MAGI2: variants seen among roughly 807,000 people sequenced by gnomAD.
MAGI2 encodes the protein membrane associated guanylate kinase, WW and PDZ domain containing 2.
Under a neutral mutation model 133.3 loss-of-function variants are expected in MAGI2, and 35 were observed. The observed-to-expected ratio is 0.26, with a 90% CI of 0.20 to 0.35. The LOEUF (loss-of-function observed/expected upper bound fraction) is 0.35. Ranked by LOEUF, MAGI2 falls within the 10% of genes least tolerant of loss-of-function variation. MAGI2 has a pLI of 1.00. For missense variants in MAGI2, 1,636 were observed against 1,863.4 expected, an observed-to-expected ratio of 0.88 and a Z score of 2.25; for synonymous variants, 729 against 710.6, an observed-to-expected ratio of 1.03 and a Z score of -0.41.
intron 1 of MAGI2, among the ~76,000 whole-genome samples, chr7:79,343,043 C>T (rs1348500639): frequency 2.0e-5 from 3 of 152,050 alleles, no homozygotes; most frequent in Admixed American, 6.6e-5. Context: ...GGATTACAGG[C>T]GTGATCCATC....
At position 78,709,605 on chromosome 7, in the gene MAGI2, C is replaced by G. The variant is rs1296670254; in HGVS notation, c.419-82366G>C. ...TGAGCACCATATAAGCTAGAACACA[C>G]AGTACAAATTACATTTACTATCCCA... On this transcript the variant is annotated intron_variant, in intron 2 of 21. Transcript: ENST00000354212. Among the ~76,000 whole-genome samples the G allele has an allele frequency of 2.0e-5, 3 of 152,200 alleles. No homozygotes were observed. The East Asian group carries it at 5.8e-4, about 29-fold the overall frequency.
At chr7:78,097,038 T>G (rs190166532) in intron 20 of MAGI2, among the ~76,000 whole-genome samples, 3 of 152,060 alleles carry the variant, frequency 2.0e-5, no homozygotes, top group Non-Finnish European at 4.4e-5. Flanking sequence ...AAGACACACA[T>G]GTGCCCAACA....
intron 1 of MAGI2, among the ~76,000 whole-genome samples, chr7:79,396,850 C>A (rs116436397): frequency 0.01 from 1,571 of 151,838 alleles, 25 homozygotes; most frequent in African/African-American, 0.035. Flanking sequence ...AAACTGACAG[C>A]ATTGACCTGG....
chr7:78,985,249 A>G (rs1489476057), intron 2 of MAGI2, among the ~76,000 whole-genome samples: 1 of 152,098 alleles, frequency 6.6e-6, no homozygotes, highest in Non-Finnish European at 1.5e-5. Context: ...ATTCAAAATT[A>G]CTTTTGAAAT....
At chr7:78,895,706 A>G (rs976488044) in intron 2 of MAGI2, among the ~76,000 whole-genome samples, 2 of 152,200 alleles carry the variant, frequency 1.3e-5, no homozygotes, top group Non-Finnish European at 2.9e-5. Context: ...TATTTGCTGT[A>G]AATATCTGCA....
intron 3 of MAGI2, among the ~76,000 whole-genome samples, chr7:78,560,256 C>T (rs1800269267): frequency 6.6e-6 from 1 of 152,116 alleles, no homozygotes; most frequent in African/African-American, 2.4e-5. Context: ...TCATTTTCAA[C>T]ATGGTGAGTT....
At chr7:78,896,707 A>G (rs1031609714) in intron 2 of MAGI2, among the ~76,000 whole-genome samples, 1 of 152,044 alleles carries the variant, frequency 6.6e-6, no homozygotes, top group Non-Finnish European at 1.5e-5. Flanking sequence ...AACTGGGACT[A>G]CAGATGCGTG....
intron 21 of MAGI2, among the ~76,000 whole-genome samples, chr7:78,052,025 C>T (rs1584949993): frequency 6.6e-6 from 1 of 152,040 alleles, no homozygotes; most frequent in East Asian, 1.9e-4. Context: ...CACACACCAC[C>T]ACACTTGGCT....
intron 1 of MAGI2, among the ~76,000 whole-genome samples, chr7:79,360,938 C>G (rs1378850206): frequency 6.6e-6 from 1 of 151,778 alleles, no homozygotes; most frequent in South Asian, 2.1e-4. Flanking sequence ...TGTGGATAAA[C>G]AAAGAAAAAT....
chr7:78,560,924 T>A (rs1800335695), intron 3 of MAGI2, among the ~76,000 whole-genome samples: 1 of 152,178 alleles, frequency 6.6e-6, no homozygotes, highest in Admixed American at 6.5e-5. Flanking sequence ...TTAGGTTGCA[T>A]CAACCTGGAA....
chr7:78,358,325 G>GGCCATCTTGTGGGCCACCCGGCA (rs1376741440), intron 7 of MAGI2: 1 of 151,186 alleles, frequency 6.6e-6, no homozygotes, highest in Non-Finnish European at 1.5e-5. Flanking sequence ...CAGTGGCCAA[G>GGCCATCTTGTGGGCCACCCGGCA]GCCATCTTGT....
chr7:79,200,328 C>T (rs1239560693), intron 1 of MAGI2, among the ~76,000 whole-genome samples: 1 of 151,786 alleles, frequency 6.6e-6, no homozygotes, highest in East Asian at 1.9e-4. Context: ...GTTTCAAACA[C>T]TTTCGGCCTG....
In MAGI2 at chr7:78,720,936, C is replaced by A. The variant is rs150519086; in HGVS notation, c.419-93697G>T. 2.0e-3 allele frequency among the ~76,000 whole-genome samples: 311 copies of A among 152,038 alleles called. 1 individual carries two copies. The highest frequency in any genetic ancestry group is 0.01 in the Middle Eastern group (3 of 294). ...TCTGGGGAAATTCTGTGATTTAATG[C>A]CACACAGTATGTAAGGAGAATCGCA... is the stretch of plus-strand genomic sequence containing the variant. On this transcript the variant is annotated intron_variant, in intron 2 of 21. Transcript: ENST00000354212.
chr7:78,582,957 A>G (rs1410234252), intron 3 of MAGI2, among the ~76,000 whole-genome samples: 2 of 152,232 alleles, frequency 1.3e-5, no homozygotes, highest in Admixed American at 6.5e-5. Context: ...AAGTATTTTC[A>G]ACAGCTACCC....
chr7:78,350,921 C>T (rs960949416), intron 7 of MAGI2, among the ~76,000 whole-genome samples: 2 of 152,174 alleles, frequency 1.3e-5, no homozygotes, highest in African/African-American at 4.8e-5. Flanking sequence ...GAGACAGGCT[C>T]TTTTAGTGCA....
intron 2 of MAGI2, among the ~76,000 whole-genome samples, chr7:78,698,732 C>G (rs1368404061): frequency 6.6e-6 from 1 of 152,080 alleles, no homozygotes; most frequent in Non-Finnish European, 1.5e-5. Context: ...GAAGGGGAAG[C>G]CAACACGTCC....
intron 2 of MAGI2, among the ~76,000 whole-genome samples, chr7:78,814,826 G>T (rs1018395209): frequency 6.6e-6 from 1 of 152,154 alleles, no homozygotes; most frequent in Non-Finnish European, 1.5e-5. Context: ...GGGCTCAAAT[G>T]ATCTTCCTGC....
intron 2 of MAGI2, among the ~76,000 whole-genome samples, chr7:78,715,267 G>A (rs1819592411): frequency 6.6e-6 from 1 of 152,154 alleles, no homozygotes; most frequent in South Asian, 2.1e-4. Flanking sequence ...GTAGAAAATA[G>A]AGTGAATTGG....
intron 15 of MAGI2, among the ~76,000 whole-genome samples, chr7:78,164,686 G>T (rs1267987248): frequency 6.6e-6 from 1 of 152,228 alleles, no homozygotes; most frequent in African/African-American, 2.4e-5. Context: ...ATTAGGCCAA[G>T]AATTAGACTT....
Sources: allele counts gnomAD v4.1 joint callset (sites outside exome capture counted in the v4.1 genomes callset), GRCh38; gene constraint gnomAD v4.1.1; transcripts MANE v1.5; gene names NCBI Gene and HGNC (gene_info 2026-07-23, HGNC 2026-07-21).